Variants in GNG2 observed in about 807,000 individuals in gnomAD.
GNG2 encodes G protein subunit gamma 2.
A neutral mutation model predicts 5.5 loss-of-function variants in GNG2; 5 were observed. That is an observed-to-expected ratio of 0.91 (90% confidence interval 0.48 to 1.92). The LOEUF (loss-of-function observed/expected upper bound fraction) is 1.92, where lower values mean the gene tolerates loss of function less well. Ranked by LOEUF, GNG2 falls within the 30% of genes most tolerant of loss-of-function variation. The probability of loss-of-function intolerance (pLI) is 0.01; values close to 1 mark genes in which losing one functional copy is unlikely to be tolerated. For synonymous variants in GNG2, 28 were observed against 32.0 expected (o/e 0.88, Z 0.42); for missense variants, 55 against 88.4 (o/e 0.62, Z 1.52).
At chr14:51,838,955 T>C (rs1272909735) in intron 2 of GNG2, among the ~76,000 whole-genome samples, 1 of 152,178 alleles carries the variant, frequency 6.6e-6, no homozygotes, top group Non-Finnish European at 1.5e-5. Flanking sequence ...CCCCATAGTA[T>C]GTACACCCCA....
At chr14:51,948,869 C>T (rs186995515) in intron 2 of GNG2, among the ~76,000 whole-genome samples, 41 of 152,144 alleles carry the variant, frequency 2.7e-4, no homozygotes, top group African/African-American at 7.2e-4. Context: ...TGCCTGTAAT[C>T]GCAGCACTTT....
At chr14:51,866,664 G>C (rs181887756) in intron 1 of GNG2, among the ~76,000 whole-genome samples, 7 of 152,194 alleles carry the variant, frequency 4.6e-5, no homozygotes, top group African/African-American at 1.4e-4. Context: ...AGCACTTTCT[G>C]TGTGTCCCCA....
intron 2 of GNG2, among the ~76,000 whole-genome samples, chr14:51,901,827 G>A (rs956071532): frequency 6.6e-6 from 1 of 152,054 alleles, no homozygotes; most frequent in Non-Finnish European, 1.5e-5. Flanking sequence ...ACCCAGTAGT[G>A]CAGAGCCTGC....
chr14:51,842,666 AT>A (rs35183845), intron 2 of GNG2, among the ~76,000 whole-genome samples: 2,671 of 143,334 alleles, frequency 0.019, 67 homozygotes, highest in African/African-American at 0.057. Flanking sequence ...ATTTGCCAGA[AT>A]TTTTTTTTTT....
chr14:51,946,874 A>G (rs1888672848), intron 2 of GNG2, among the ~76,000 whole-genome samples: 1 of 152,242 alleles, frequency 6.6e-6, no homozygotes, highest in Non-Finnish European at 1.5e-5. Flanking sequence ...AGTACTTTAC[A>G]ATTCTTTCAG....
chr14:51,839,992 G>A (rs938218315), intron 2 of GNG2, among the ~76,000 whole-genome samples: 6 of 152,160 alleles, frequency 3.9e-5, no homozygotes, highest in African/African-American at 1.4e-4. Flanking sequence ...TTGACTGACT[G>A]TCTTGCAATA....
chr14:51,882,974 C>T (rs1884191568), intron 2 of GNG2, among the ~76,000 whole-genome samples: 1 of 143,686 alleles, frequency 7.0e-6, no homozygotes, highest in Non-Finnish European at 1.5e-5. Context: ...CGTGCCACTG[C>T]ACTCCAGCCT....
At chr14:51,842,980 A>T (rs1007470143) in intron 2 of GNG2, among the ~76,000 whole-genome samples, 2 of 152,136 alleles carry the variant, frequency 1.3e-5, no homozygotes, top group Non-Finnish European at 2.9e-5. Context: ...GCCAGAATTG[A>T]AGGAAAATTT....
intron 1 of GNG2, among the ~76,000 whole-genome samples, 188 bp from the exon 2 acceptor site, chr14:51,877,429 G>A (rs866409847): frequency 5.9e-5 from 9 of 152,272 alleles, no homozygotes; most frequent in Middle Eastern, 3.4e-3. Context: ...TTAAAAGAAA[G>A]AGAGTTAATA....
At chr14:51,946,648 C>T (rs751047204) in intron 2 of GNG2, among the ~76,000 whole-genome samples, 17 of 152,146 alleles carry the variant, frequency 1.1e-4, no homozygotes, top group Non-Finnish European at 2.1e-4. Context: ...CACTAGATGC[C>T]ATTGTGTCTC....
chr14:51,886,867 G>A (rs952656603), intron 2 of GNG2, among the ~76,000 whole-genome samples: 24 of 152,178 alleles, frequency 1.6e-4, no homozygotes, highest in African/African-American at 5.8e-4. Flanking sequence ...GTTTCCTGGG[G>A]TATAAGCCAG....
intron 2 of GNG2, among the ~76,000 whole-genome samples, chr14:51,937,835 A>G (rs1246954466): frequency 3.3e-5 from 5 of 152,188 alleles, no homozygotes; most frequent in Non-Finnish European, 7.4e-5. Context: ...CTAAGCTGAT[A>G]AAAGGAGACA....
rs184579095 is a variant in GNG2, at chr14:51,873,694, T to C, written c.-70-3923T>C. The stretch of plus-strand genomic sequence containing the variant: ...CTAAGGTCAACCTTGTGGAGTGTCT[T>C]GTGTGCCTATGCACAAGGTTTTAAT... On this transcript the variant is annotated intron_variant, in intron 1 of 3. Coordinates refer to ENST00000556766, the MANE Select transcript of GNG2 (RefSeq NM_053064.5). 8.5e-4 allele frequency among the ~76,000 whole-genome samples: 130 copies of C among 152,360 alleles called. 1 individual carries two copies. The highest frequency in any genetic ancestry group is 3.0e-3 in the African/African-American group (126 of 41,576).
chr14:51,919,775 A>G (rs1169542538), intron 2 of GNG2, among the ~76,000 whole-genome samples: 1 of 152,258 alleles, frequency 6.6e-6, no homozygotes, highest in Non-Finnish European at 1.5e-5. Flanking sequence ...GATGTTTATC[A>G]GGCAAAACGG....
chr14:51,831,432 A>AT (rs1881184709), intron 2 of GNG2, among the ~76,000 whole-genome samples: 1 of 152,190 alleles, frequency 6.6e-6, no homozygotes, highest in Non-Finnish European at 1.5e-5. Context: ...CTCAATACAT[A>AT]TTTTTCACAT....
At chr14:51,918,680 T>C (rs1886807817) in intron 2 of GNG2, 2 of 152,204 alleles carry the variant, frequency 1.3e-5, no homozygotes, top group African/African-American at 2.4e-5. Flanking sequence ...CTAAAGCAGA[T>C]TTATTACTTA....
chr14:51,861,438 G>GT (rs1882474104), intron 1 of GNG2: 1 of 152,158 alleles, frequency 6.6e-6, no homozygotes, highest in Non-Finnish European at 1.5e-5. Flanking sequence ...AGCGTGGCGG[G>GT]TTTAAGGCCA....
chr14:51,963,238 A>G (rs1015116556), intron 3 of GNG2, among the ~76,000 whole-genome samples: 3 of 152,248 alleles, frequency 2.0e-5, no homozygotes, highest in South Asian at 2.1e-4. Flanking sequence ...TTCAGAATCA[A>G]ATGTTCAAAT....
rs1889363879 is a variant in GNG2 at position 51,957,906 on chromosome 14, C to CTAATG, written c.87+7142_87+7146dup. 2.0e-5 allele frequency among the ~76,000 whole-genome samples: 3 copies of CTAATG among 152,146 alleles called. No homozygotes were observed. The East Asian group carries it at 5.8e-4, about 29-fold the overall frequency. On this transcript the variant is annotated intron_variant, in intron 3 of 3. Coordinates refer to ENST00000556766, the MANE Select transcript of GNG2 (RefSeq NM_053064.5). ...AAACTTTGGCATTAATATCATAGAA[C>CTAATG]TAATGGAGTATTCATTTCATTGTAT...
Sources: gnomAD v4.1 joint callset for allele counts (sites outside exome capture counted in the v4.1 genomes callset) on GRCh38, gnomAD v4.1.1 for gene constraint, MANE v1.5 for transcripts, NCBI Gene and HGNC (gene_info 2026-07-23, HGNC 2026-07-21) for gene names.